NXPE2: variants seen among roughly 807,000 people sequenced by gnomAD.
The protein encoded by NXPE2 is neurexophilin and PC-esterase domain family member 2, also known as NXPE family member 2.
NXPE2 carries 34 observed loss-of-function variants against 34.4 expected under a neutral mutation model. The ratio of observed to expected loss-of-function variants is 0.99; its 90% CI spans 0.75 to 1.31. NXPE2 has a LOEUF of 1.31. NXPE2 is among the 40% of genes most tolerant of loss of function. The pLI is 0.00. For missense variants in NXPE2, 649 were observed against 672.5 expected (o/e 0.97, Z 0.39); for synonymous variants, 235 against 231.3 (o/e 1.02, Z -0.15).
upstream of NXPE2, among the ~76,000 whole-genome samples, chr11:114,676,342 T>C (rs1157521098): frequency 1.3e-5 from 2 of 151,790 alleles, no homozygotes; most frequent in Non-Finnish European, 2.9e-5. Flanking sequence ...GAAAAAACAT[T>C]TGCAAACCAT....
chr11:114,486,422 G>A, the NXPE2 span, among the ~76,000 whole-genome samples: 1 of 152,174 alleles, frequency 6.6e-6, no homozygotes, highest in Non-Finnish European at 1.5e-5. Context: ...TGAGTAGGTT[G>A]CAAATATTTT....
chr11:114,634,100 T>G, the NXPE2 span, among the ~76,000 whole-genome samples: 1 of 151,638 alleles, frequency 6.6e-6, no homozygotes, highest in Non-Finnish European at 1.5e-5. Flanking sequence ...GTGTTCCTAT[T>G]TCTCCACATC....
chr11:114,687,628 T>C (rs1951072928), intron 2 of NXPE2, among the ~76,000 whole-genome samples: 1 of 152,082 alleles, frequency 6.6e-6, no homozygotes, highest in Admixed American at 6.6e-5. Flanking sequence ...AATTTTAGAA[T>C]AGTTCTTTCT....
chr11:114,805,460 C>G, the NXPE2 span, among the ~76,000 whole-genome samples: 3 of 152,296 alleles, frequency 2.0e-5, no homozygotes, highest in Admixed American at 6.5e-5. Context: ...GTGACAGACA[C>G]CACCTGGAAA....
chr11:114,592,400 TC>T, the NXPE2 span, among the ~76,000 whole-genome samples: 29 of 151,788 alleles, frequency 1.9e-4, no homozygotes, highest in African/African-American at 5.8e-4. Flanking sequence ...TGAAAAAATA[TC>T]AAAAAAGCAA....
At chr11:114,650,663 A>G in the NXPE2 span, among the ~76,000 whole-genome samples, 11 of 152,170 alleles carry the variant, frequency 7.2e-5, 1 homozygote, top group South Asian at 2.1e-4. Context: ...CCCAGGATAT[A>G]TGCTGATATC....
chr11:114,722,026 G>C, the NXPE2 span, among the ~76,000 whole-genome samples: 146 of 152,316 alleles, frequency 9.6e-4, no homozygotes, highest in East Asian at 0.027. Context: ...AGAGGAGGCA[G>C]TAAAAAGGAA....
At chr11:114,568,830 A>G in the NXPE2 span, among the ~76,000 whole-genome samples, 3 of 152,320 alleles carry the variant, frequency 2.0e-5, no homozygotes, top group East Asian at 3.9e-4. Context: ...TGACTTTATC[A>G]TGAACTGTGG....
chr11:114,736,944 C>T, the NXPE2 span, among the ~76,000 whole-genome samples: 1 of 152,162 alleles, frequency 6.6e-6, no homozygotes, highest in Non-Finnish European at 1.5e-5. Context: ...AAGCATACTT[C>T]TAAAGCCTGC....
At chr11:114,571,404 T>C in the NXPE2 span, 1 of 1,613,620 alleles carries the variant, frequency 6.2e-7, no homozygotes, top group Non-Finnish European at 8.5e-7. Flanking sequence ...GATGTTGATG[T>C]TCCTATCCAA....
intron 2 of NXPE2, among the ~76,000 whole-genome samples, chr11:114,682,906 GT>G (rs940543913): frequency 5.9e-5 from 9 of 151,590 alleles, no homozygotes; most frequent in Non-Finnish European, 1.3e-4. Flanking sequence ...ACTATTTCAT[GT>G]TTTTTAAAAG....
the NXPE2 span, among the ~76,000 whole-genome samples, chr11:114,746,584 G>A: frequency 6.6e-6 from 1 of 152,208 alleles, no homozygotes; most frequent in Non-Finnish European, 1.5e-5. Flanking sequence ...GGGCATGGTG[G>A]CTCATGCCTG....
chr11:114,486,845 A>G, the NXPE2 span, among the ~76,000 whole-genome samples: 5 of 151,860 alleles, frequency 3.3e-5, no homozygotes, highest in Non-Finnish European at 7.4e-5. Flanking sequence ...ATTCTGTTCT[A>G]TTGGTCTGTG....
the NXPE2 span, among the ~76,000 whole-genome samples, chr11:114,535,010 A>AG: frequency 6.6e-6 from 1 of 152,202 alleles, no homozygotes; most frequent in Non-Finnish European, 1.5e-5. Flanking sequence ...TGAAGGAAAA[A>AG]ATGTTAAGGG....
At chr11:114,662,722 AG>A in the NXPE2 span, among the ~76,000 whole-genome samples, 1 of 152,098 alleles carries the variant, frequency 6.6e-6, no homozygotes, top group Non-Finnish European at 1.5e-5. Context: ...ACAGCAGGAT[AG>A]GGTATGGGTC....
chr11:114,571,191 A>C, the NXPE2 span: 1 of 1,614,042 alleles, frequency 6.2e-7, no homozygotes, highest in East Asian at 2.2e-5. Flanking sequence ...TCTCAGAAGA[A>C]GATGCTGAAT....
At chr11:114,545,634 G>C in the NXPE2 span, among the ~76,000 whole-genome samples, 1 of 151,920 alleles carries the variant, frequency 6.6e-6, no homozygotes, top group Non-Finnish European at 1.5e-5. Flanking sequence ...GTATGATACT[G>C]TTGTGTATAC....
At chr11:114,571,329 T>C in the NXPE2 span, 1 of 1,614,002 alleles carries the variant, frequency 6.2e-7, no homozygotes, top group Admixed American at 1.7e-5. Flanking sequence ...CCGGGTGAGG[T>C]ACTCCATCTC....
chr11:114,751,818 A>G, the NXPE2 span, among the ~76,000 whole-genome samples: 2 of 152,182 alleles, frequency 1.3e-5, no homozygotes, highest in South Asian at 2.1e-4. Flanking sequence ...GGCAGGCCCT[A>G]TGTAATCATG....
Sources: allele counts gnomAD v4.1 joint callset (sites outside exome capture counted in the v4.1 genomes callset), GRCh38; gene constraint gnomAD v4.1.1; transcripts MANE v1.5; gene names NCBI Gene and HGNC (gene_info 2026-07-23, HGNC 2026-07-21).